TRIO: variants seen among roughly 807,000 people sequenced by gnomAD.
TRIO encodes triple functional domain protein.
TRIO carries 58 observed loss-of-function variants against 351.9 expected under a neutral mutation model. That is an observed-to-expected ratio of 0.16 (90% CI 0.13 to 0.21). The LOEUF (loss-of-function observed/expected upper bound fraction) is 0.21. Among genes scored for constraint, TRIO ranks in the 10% least tolerant of loss-of-function variants. TRIO has a pLI of 1.00. For missense variants in TRIO, 3,201 were observed against 4,027.8 expected (o/e 0.79, Z 5.56); for synonymous variants, 1,758 against 1,595.7 (o/e 1.10, Z -2.42).
rs552807184 is a variant in TRIO, at chr5:14,455,090, T to C, written c.5204-5929T>C. 6.6e-5 allele frequency among the ~76,000 whole-genome samples: 10 copies of C among 152,240 alleles called. No individual in the cohort carries two copies. The East Asian group carries it at 1.2e-3, about 18-fold the overall frequency. ...CCTTCGCGGTGAGTGTTATAGCTCA[T>C]AAAGGCAGTGCGGACCCAAAGAGTG... On this transcript the variant is annotated intron_variant, in intron 34 of 56. Coordinates refer to ENST00000344204, the MANE Select transcript of TRIO (RefSeq NM_007118.4).
intron 1 of TRIO, among the ~76,000 whole-genome samples, chr5:14,197,913 C>T (rs1300182167): frequency 6.6e-6 from 1 of 152,192 alleles, no homozygotes; most frequent in Non-Finnish European, 1.5e-5. Context: ...GATGCTGTCT[C>T]TGTCTTCCAA....
At chr5:14,501,673 C>T (rs1757308523) in intron 53 of TRIO, among the ~76,000 whole-genome samples, 1 of 152,238 alleles carries the variant, frequency 6.6e-6, no homozygotes, top group South Asian at 2.1e-4. Context: ...TAAGGAAACG[C>T]ATTCCCAGTG....
In TRIO at chr5:14,487,835, GAGCGAGA is replaced by G; in HGVS notation, c.7212_7218del (p.Glu2405SerfsTer6). 6.6e-7 allele frequency: 1 copy of G among 1,515,558 alleles called. No homozygotes were observed. Among genetic ancestry groups the G allele is most frequent in the Non-Finnish European group, 8.8e-7 (1 of 1,131,122 alleles). The allele number at this position is 1,515,558 out of a possible 1,614,324, so 93.9% of individuals were successfully genotyped here. ...CCCCGGCGCGGACGCCGAGGGGTCC[GAGCGAGA>G]AGCGGAGCCGATCCCCAAGATGAAG... On this transcript the variant is annotated frameshift_variant, in exon 48 of 57. Transcript: ENST00000344204. LOFTEE classifies it high-confidence loss of function.
At position 14,498,136 on chromosome 5, in the gene TRIO, G is replaced by T; in HGVS notation, c.8095G>T (p.Gly2699Trp). ...IPLSEVTCET[G>W]ETVVLRCRVC... ...ATTGAGTGAGGTCACGTGTGAGACA[G>T]GGGAGACCGTTGTTCTTAGATGTCG... Residue 2699 changes from glycine (G) to tryptophan (W), a missense_variant, in exon 52 of 57, where the codon GGG becomes TGG. Physicochemically the swap from Gly to Trp is radical, Grantham distance 184 (BLOSUM62 -2). This residue lies in a region of TRIO where 1,089 missense variants were observed against 954.9 expected (regional missense o/e 1.14). Transcript: ENST00000344204. The T allele has an allele frequency of 6.2e-7, 1 of 1,614,224 alleles. No homozygotes were observed. The highest frequency in any genetic ancestry group is 8.5e-7 in the Non-Finnish European group (1 of 1,180,042).
chr5:14,176,081 A>G (rs1373481980), intron 1 of TRIO, among the ~76,000 whole-genome samples: 1 of 152,196 alleles, frequency 6.6e-6, no homozygotes, highest in Non-Finnish European at 1.5e-5. Flanking sequence ...AGGTGGGACG[A>G]TCACTTGAGT....
At chr5:14,398,002 A>G (rs42556) in intron 29 of TRIO, among the ~76,000 whole-genome samples, 43,545 of 152,002 alleles carry the variant, frequency 0.29, 6,552 homozygotes, top group Middle Eastern at 0.38. Context: ...TGGGGAAGAA[A>G]GTCAGGGAGG....
rs1162940008 is a variant in TRIO at position 14,374,274 on chromosome 5, C to T, written c.3262C>T (p.Leu1088=). 3 of 1,613,660 alleles carry T rather than the reference C, an allele frequency of 1.9e-6. No individual in the cohort carries two copies. Among genetic ancestry groups the T allele is most frequent in the African/African-American group, 2.7e-5 (2 of 74,904 alleles). Residue 1088 remains leucine, a synonymous_variant, in exon 19 of 57, where the codon CTG becomes TTG. Transcript: ENST00000344204. Reference sequence around the variant, plus strand: ...GAATGCAGACGTCTTCCTGAAATACCTGCACAGGAACAGCGTGAACATGCC... The same window carrying T: ...GAATGCAGACGTCTTCCTGAAATACTTGCACAGGAACAGCGTGAACATGCC... ...RRNADVFLKY[L]HRNSVNMPGM...
chr5:14,423,540 C>T (rs930876409), intron 34 of TRIO, among the ~76,000 whole-genome samples: 7 of 152,198 alleles, frequency 4.6e-5, no homozygotes, highest in Admixed American at 1.3e-4. Flanking sequence ...CTTTGCCCTA[C>T]GCTGCCCTGC....
intron 34 of TRIO, among the ~76,000 whole-genome samples, chr5:14,421,603 G>GA (rs377508422): frequency 0.083 from 9,064 of 109,126 alleles, 808 homozygotes; most frequent in African/African-American, 0.22. Context: ...GACTCCATCT[G>GA]AAAAAAAAAA....
At chr5:14,259,231 AG>A (rs1311004480) in intron 1 of TRIO, among the ~76,000 whole-genome samples, 2 of 152,218 alleles carry the variant, frequency 1.3e-5, no homozygotes, top group African/African-American at 4.8e-5. Context: ...AGTCCATCAC[AG>A]CAAATCTGTT....
intron 37 of TRIO, 81 bp downstream of exon 37, chr5:14,465,721 A>G (rs1754205414): frequency 1.4e-6 from 2 of 1,477,098 alleles, no homozygotes; most frequent in East Asian, 2.3e-5. Context: ...TTGTCTTTGT[A>G]TTGCTCTGGG....
chr5:14,239,919 GGGA>G (rs1006556015), intron 1 of TRIO, among the ~76,000 whole-genome samples: 1 of 152,194 alleles, frequency 6.6e-6, no homozygotes, highest in African/African-American at 2.4e-5. Context: ...GAACTGCCAT[GGGA>G]GGAGGAGGAG....
At chr5:14,298,677 CT>C (rs1381606784) in intron 7 of TRIO, among the ~76,000 whole-genome samples, 2 of 152,076 alleles carry the variant, frequency 1.3e-5, no homozygotes, top group African/African-American at 4.8e-5. Flanking sequence ...CTCTAGAGAC[CT>C]TTAAAGTATA....
intron 9 of TRIO, among the ~76,000 whole-genome samples, chr5:14,317,814 A>C (rs1295044537): frequency 6.6e-6 from 1 of 151,998 alleles, no homozygotes; most frequent in Non-Finnish European, 1.5e-5. Context: ...AACATGGTGA[A>C]ACCGTGTCTC....
intron 7 of TRIO, among the ~76,000 whole-genome samples, chr5:14,299,657 G>C (rs116562554): frequency 6.6e-6 from 1 of 152,156 alleles, no homozygotes; most frequent in Non-Finnish European, 1.5e-5. Context: ...TAAATGATTT[G>C]CCTTCTAGTT....
intron 36 of TRIO, among the ~76,000 whole-genome samples, chr5:14,463,988 C>T (rs1754035622): frequency 6.6e-6 from 1 of 152,118 alleles, no homozygotes; most frequent in African/African-American, 2.4e-5. Context: ...GCTGTGGGGC[C>T]TGCAATGATG....
At chr5:14,493,901 C>T (rs188408470) in intron 49 of TRIO, among the ~76,000 whole-genome samples, 82 of 152,330 alleles carry the variant, frequency 5.4e-4, no homozygotes, top group East Asian at 3.5e-3. Context: ...GATAGAAGAT[C>T]AAACCAGCCA....
At chr5:14,466,053 G>T in intron 37 of TRIO, 1 of 211,678 alleles carries the variant, frequency 4.7e-6, no homozygotes, top group South Asian at 8.5e-5. Flanking sequence ...TGCTCTGTGT[G>T]GCTGACCTTA....
chr5:14,353,270 CTTT>C (rs35179690), intron 11 of TRIO, among the ~76,000 whole-genome samples: 3 of 117,312 alleles, frequency 2.6e-5, no homozygotes, highest in Non-Finnish European at 3.4e-5. Flanking sequence ...TTCTAAGCAA[CTTT>C]TTTTTTTTTT....
Sources: gnomAD v4.1 joint callset for allele counts (sites outside exome capture counted in the v4.1 genomes callset) on GRCh38, gnomAD v4.1.1 for gene constraint, gnomAD v4.1.1 regional missense constraint, MANE v1.5 for transcripts, NCBI Gene and HGNC (gene_info 2026-07-23, HGNC 2026-07-21) for gene names.